DDAH1: variants seen among roughly 807,000 people sequenced by gnomAD.
DDAH1 encodes dimethylarginine dimethylaminohydrolase 1.
Under a neutral mutation model 28.8 loss-of-function variants are expected in DDAH1, and 19 were observed. That is an observed-to-expected ratio of 0.66 (90% CI 0.46 to 0.97). DDAH1 has a LOEUF of 0.97. Among genes scored for constraint, DDAH1 ranks in the 50% least tolerant of loss-of-function variants. The probability of loss-of-function intolerance (pLI) is 0.00; values close to 1 mark genes in which losing one functional copy is unlikely to be tolerated. For missense variants in DDAH1, 326 were observed against 375.9 expected (o/e 0.87, Z 1.10); for synonymous variants, 153 against 154.4 (o/e 0.99, Z 0.07).
intron 4 of DDAH1, among the ~76,000 whole-genome samples, chr1:85,340,187 C>A (rs1648388284): frequency 6.6e-6 from 1 of 152,138 alleles, no homozygotes; most frequent in African/African-American, 2.4e-5. Flanking sequence ...TGGAAGCCAA[C>A]CCCGTTAGTG....
intron 1 of DDAH1, among the ~76,000 whole-genome samples, chr1:85,574,060 G>A (rs1322830122): frequency 2.6e-5 from 4 of 152,164 alleles, no homozygotes; most frequent in African/African-American, 9.7e-5. Context: ...AAATTTTGAA[G>A]ACTTCACATA....
chr1:85,462,706 C>T (rs548211470), intron 1 of DDAH1, among the ~76,000 whole-genome samples: 44 of 152,314 alleles, frequency 2.9e-4, no homozygotes, highest in African/African-American at 1.0e-3. Flanking sequence ...TGACTCTGCC[C>T]TCCAGAAGCA....
At chr1:85,466,148 C>T (rs1655370744), upstream of DDAH1, among the ~76,000 whole-genome samples, 2 of 152,222 alleles carry the variant, frequency 1.3e-5, no homozygotes, top group Admixed American at 1.3e-4. Flanking sequence ...CCAACTGAGC[C>T]CAGAGATGTG....
At chr1:85,538,050 C>T (rs2100781865) in intron 1 of DDAH1, among the ~76,000 whole-genome samples, 1 of 152,174 alleles carries the variant, frequency 6.6e-6, no homozygotes, top group African/African-American at 2.4e-5. Flanking sequence ...AAAAACCATA[C>T]CTGATCTGTT....
At chr1:85,514,073 A>G (rs1657354382) in intron 1 of DDAH1, among the ~76,000 whole-genome samples, 1 of 152,224 alleles carries the variant, frequency 6.6e-6, no homozygotes, top group South Asian at 2.1e-4. Flanking sequence ...TCGTGGCACT[A>G]TTCACAATAG....
intron 1 of DDAH1, among the ~76,000 whole-genome samples, chr1:85,454,669 G>A (rs536135240): frequency 2.0e-5 from 3 of 152,206 alleles, no homozygotes; most frequent in African/African-American, 7.2e-5. Context: ...CCCTTATGAC[G>A]CTATGTTGCA....
intron 1 of DDAH1, among the ~76,000 whole-genome samples, chr1:85,406,826 T>C (rs1209463897): frequency 6.6e-6 from 1 of 152,100 alleles, no homozygotes; most frequent in Non-Finnish European, 1.5e-5. Context: ...CTTTATTTCA[T>C]GGTAGTTTTA....
At chr1:85,463,725 A>G (rs150663933) in intron 1 of DDAH1, among the ~76,000 whole-genome samples, 55 of 152,378 alleles carry the variant, frequency 3.6e-4, no homozygotes, top group South Asian at 1.0e-3. Flanking sequence ...AAGTGAATAC[A>G]GACAAAATAG....
intron 1 of DDAH1, among the ~76,000 whole-genome samples, chr1:85,373,173 T>C (rs983163922): frequency 6.6e-6 from 1 of 152,198 alleles, no homozygotes; most frequent in Non-Finnish European, 1.5e-5. Context: ...TGACGTTATA[T>C]AGTTAGCTAG....
intron 4 of DDAH1, among the ~76,000 whole-genome samples, chr1:85,339,060 A>ATAT (rs1211710766): frequency 6.8e-6 from 1 of 147,170 alleles, no homozygotes; most frequent in African/African-American, 2.5e-5. Flanking sequence ...AAAAAAAAAA[A>ATAT]AAATATATAT....
At chr1:85,431,464 A>G (rs1319736772) in intron 1 of DDAH1, among the ~76,000 whole-genome samples, 1 of 151,894 alleles carries the variant, frequency 6.6e-6, no homozygotes, top group East Asian at 1.9e-4. Context: ...CAGGGACTGA[A>G]GGGGACTAGG....
At chr1:85,439,460 G>A (rs1654090234) in intron 1 of DDAH1, among the ~76,000 whole-genome samples, 1 of 152,192 alleles carries the variant, frequency 6.6e-6, no homozygotes, top group South Asian at 2.1e-4. Flanking sequence ...ACAAAGCTGT[G>A]AAAAAGGCTT....
chr1:85,465,084 C>T lies in DDAH1; in HGVS notation c.-39G>A. 2.5e-6 allele frequency: 3 copies of T among 1,213,702 alleles called. No homozygotes were observed. Among genetic ancestry groups the T allele is most frequent in the Non-Finnish European group, 3.1e-6 (3 of 977,748 alleles). The allele number at this position is 1,213,702 out of a possible 1,614,324, so 75.2% of individuals were successfully genotyped here. On this transcript the variant is annotated 5_prime_UTR_variant, in exon 1 of 6. Coordinates refer to ENST00000284031, the MANE Select transcript of DDAH1 (RefSeq NM_012137.4). Reference sequence around the variant, plus strand: ...TTAGGGGCGGCGGCGGCGGCGGAGGCGGCCGGGTCCTGCCGCGGGCAGCGC... The same window carrying T: ...TTAGGGGCGGCGGCGGCGGCGGAGGTGGCCGGGTCCTGCCGCGGGCAGCGC...
intron 1 of DDAH1, among the ~76,000 whole-genome samples, chr1:85,445,290 T>C (rs78497761): frequency 0.042 from 6,378 of 152,082 alleles, 467 homozygotes; most frequent in African/African-American, 0.15. Context: ...TCTAGGAGTG[T>C]GGGGTGCTTC....
chr1:85,408,344 A>G (rs1652504254), intron 1 of DDAH1, among the ~76,000 whole-genome samples: 1 of 151,056 alleles, frequency 6.6e-6, no homozygotes. Flanking sequence ...TAACTGAACA[A>G]TTCTCTGCTC....
At chr1:85,512,722 C>A (rs1657291698) in intron 1 of DDAH1, among the ~76,000 whole-genome samples, 1 of 152,058 alleles carries the variant, frequency 6.6e-6, no homozygotes, top group Non-Finnish European at 1.5e-5. Flanking sequence ...AAACAGAGAG[C>A]CAAATCATGA....
At chr1:85,523,132 T>G (rs1287853352) in intron 1 of DDAH1, among the ~76,000 whole-genome samples, 2 of 151,926 alleles carry the variant, frequency 1.3e-5, no homozygotes, top group Admixed American at 6.6e-5. Flanking sequence ...GCTTCTTGAA[T>G]GGCCTGTAGG....
At chr1:85,344,386 G>A (rs1358733174) in intron 4 of DDAH1, among the ~76,000 whole-genome samples, 5 of 152,104 alleles carry the variant, frequency 3.3e-5, no homozygotes, top group East Asian at 3.9e-4. Context: ...CCTCTCCCAC[G>A]GGGTTAGGAA....
At chr1:85,342,269 T>C (rs1382292536) in intron 4 of DDAH1, among the ~76,000 whole-genome samples, 1 of 152,206 alleles carries the variant, frequency 6.6e-6, no homozygotes, top group Non-Finnish European at 1.5e-5. Flanking sequence ...ATGATTATTA[T>C]TTTAAAAAGT....
Sources: allele counts gnomAD v4.1 joint callset (sites outside exome capture counted in the v4.1 genomes callset), GRCh38; gene constraint gnomAD v4.1.1; transcripts MANE v1.5; gene names NCBI Gene and HGNC (gene_info 2026-07-23, HGNC 2026-07-21).